The following TRPC3 variants were observed in gnomAD, a reference collection of about 807,000 sequenced individuals.
TRPC3 encodes the protein transient receptor potential cation channel subfamily C member 3.
TRPC3 carries 54 observed loss-of-function variants against 90.9 expected under a neutral mutation model. That is an observed-to-expected ratio of 0.59 (90% CI 0.48 to 0.75). TRPC3 has a LOEUF of 0.75. Ranked by LOEUF, TRPC3 falls within the 30% of genes least tolerant of loss-of-function variation. TRPC3 has a pLI of 0.00. For missense variants in TRPC3, 918 were observed against 1,194.5 expected (o/e 0.77, Z 3.41); for synonymous variants, 424 against 450.9 (o/e 0.94, Z 0.75).
At chr4:121,921,564 G>A (rs1379699616) in intron 3 of TRPC3, among the ~76,000 whole-genome samples, 1 of 149,274 alleles carries the variant, frequency 6.7e-6, no homozygotes, top group Non-Finnish European at 1.5e-5. Context: ...AGTCTCATAT[G>A]CGGCCAATAT....
chr4:121,930,047 C>T (rs892148552), intron 2 of TRPC3, among the ~76,000 whole-genome samples: 3 of 152,062 alleles, frequency 2.0e-5, no homozygotes, highest in Non-Finnish European at 2.9e-5. Context: ...ACTATTTTCT[C>T]TGTCTGTCTA....
intron 5 of TRPC3, among the ~76,000 whole-genome samples, chr4:121,911,413 T>C (rs1261174856): frequency 1.3e-5 from 2 of 152,060 alleles, no homozygotes; most frequent in African/African-American, 4.8e-5. Context: ...GTTTTTGCCA[T>C]TTTAAAAATA....
intron 10 of TRPC3, among the ~76,000 whole-genome samples, chr4:121,893,192 A>ATGTGTATGTGTGTGTGCG (rs1422651081): frequency 1.3e-5 from 2 of 151,286 alleles, no homozygotes; most frequent in Non-Finnish European, 2.9e-5. Flanking sequence ...TGAAGTAAGG[A>ATGTGTATGTGTGTGTGCG]TGTGTATGTG....
chr4:121,926,189 CA>C (rs554326431), intron 2 of TRPC3, among the ~76,000 whole-genome samples: 2 of 152,128 alleles, frequency 1.3e-5, no homozygotes, highest in African/African-American at 4.8e-5. Flanking sequence ...CAACCTTACA[CA>C]AAAAATACCT....
At chr4:121,926,740 T>C (rs1452311485) in intron 2 of TRPC3, among the ~76,000 whole-genome samples, 1 of 152,194 alleles carries the variant, frequency 6.6e-6, no homozygotes, top group East Asian at 1.9e-4. Flanking sequence ...CTCTCTGTTA[T>C]TTAGGTTGAC....
intron 1 of TRPC3, among the ~76,000 whole-genome samples, chr4:121,933,739 T>C (rs1368670042): frequency 6.6e-6 from 1 of 152,108 alleles, no homozygotes; most frequent in African/African-American, 2.4e-5. Context: ...GCCTCCCAAG[T>C]AGCTAGGACT....
chr4:121,897,453 C>CAAAAAA lies in TRPC3; in HGVS notation c.2547+2153_2547+2158dup, dbSNP rs70950860. 2.3e-3 allele frequency among the ~76,000 whole-genome samples: 99 copies of CAAAAAA among 43,426 alleles called. 1 individual carries two copies. The highest frequency in any genetic ancestry group is 2.9e-3 in the Non-Finnish European group (71 of 24,760). 28.5% of individuals were successfully genotyped at this position (43,426 alleles called of 152,430 possible). A position where few individuals can be genotyped will look rare whatever the true frequency, so the allele number is the denominator to read the frequency against. ...ACAGGGAACTCAATCATCTCAACAG[C>CAAAAAA]AAAAAAAAAAAAAAAAAAAAAAAAA... On this transcript the variant is annotated intron_variant, in intron 10 of 11. Transcript: ENST00000379645.
intron 3 of TRPC3, among the ~76,000 whole-genome samples, chr4:121,917,194 A>G (rs911494506): frequency 6.6e-6 from 1 of 152,162 alleles, no homozygotes; most frequent in East Asian, 1.9e-4. Flanking sequence ...CTCCAAACCC[A>G]GGATTTTGTC....
Position 121,932,694 on chromosome 4 carries a change from C to T in TRPC3, c.564G>A (p.Val188=), listed in dbSNP as rs1729987179. The change falls in exon 2 of 12, where the codon GTG becomes GTA. Residue 188 remains valine (V), a synonymous_variant. Coordinates refer to ENST00000379645, the MANE Select transcript of TRPC3 (RefSeq NM_001130698.2). The surrounding 1 kb of genome is among the most constrained non-coding windows in gnomAD (Gnocchi z 7.7). ...ALLLAISKGY[V]RIVEAILNHP... ...GGTTGAGGATGGCCTCTACGATGCG[C>T]ACGTAGCCCTTGCTGATGGCGAGCA... The T allele has an allele frequency of 6.2e-7, 1 of 1,613,652 alleles. No individual in the cohort carries two copies. Among genetic ancestry groups the T allele is most frequent in the Non-Finnish European group, 8.5e-7 (1 of 1,179,824 alleles).
chr4:121,905,684 C>T (rs1013638741), intron 7 of TRPC3, among the ~76,000 whole-genome samples: 2 of 152,216 alleles, frequency 1.3e-5, no homozygotes, highest in African/African-American at 4.8e-5. Flanking sequence ...TTTCTTATAA[C>T]ACATCCTAAA....
chr4:121,885,838 T>C (rs1387549356), intron 10 of TRPC3, among the ~76,000 whole-genome samples: 1 of 152,296 alleles, frequency 6.6e-6, no homozygotes, highest in East Asian at 1.9e-4. Context: ...AAAAGAAGTC[T>C]ATAGATTAAC....
chr4:121,903,449 T>C (rs1319851850), intron 8 of TRPC3, among the ~76,000 whole-genome samples: 1 of 152,182 alleles, frequency 6.6e-6, no homozygotes, highest in Non-Finnish European at 1.5e-5. Flanking sequence ...CACCTATACC[T>C]ATCCAAGCCA....
At chr4:121,923,886 T>C (rs1729613454) in intron 3 of TRPC3, among the ~76,000 whole-genome samples, 1 of 152,236 alleles carries the variant, frequency 6.6e-6, no homozygotes, top group Admixed American at 6.5e-5. Context: ...CTTTGTGATT[T>C]ATCAGTTTCT....
rs570183026 is a variant in TRPC3 at position 121,934,225 on chromosome 4, G to A, written c.216-1183C>T. On this transcript the variant is annotated intron_variant, in intron 1 of 11. Coordinates refer to ENST00000379645, the MANE Select transcript of TRPC3 (RefSeq NM_001130698.2). ...GCATCCTTACGCCAGGTAGAAAATC[G>A]AATTTTATGAAGTTCTCAGATTTTC... is the stretch of plus-strand genomic sequence containing the variant. Among the ~76,000 whole-genome samples the A allele has an allele frequency of 2.6e-5, 4 of 152,230 alleles. 1 individual carries two copies. The South Asian group carries it at 6.2e-4, about 24-fold the overall frequency.
Position 121,876,295 on chromosome 4 carries a change from A to G in TRPC3, c.*3441T>C, listed in dbSNP as rs1383834646. ...AGACCCGCCTCTAAAAATGTATTTT[A>G]AAAACTTTATTTAAAAAATTTAAAA... On this transcript the variant is annotated 3_prime_UTR_variant, in exon 12 of 12. Coordinates refer to ENST00000379645, the MANE Select transcript of TRPC3 (RefSeq NM_001130698.2). Among the ~76,000 whole-genome samples the G allele has an allele frequency of 6.6e-6, 1 of 152,144 alleles. No homozygotes were observed. Among genetic ancestry groups the G allele is most frequent in the Non-Finnish European group, 1.5e-5 (1 of 68,028 alleles).
intron 10 of TRPC3, among the ~76,000 whole-genome samples, chr4:121,889,385 C>T (rs1231263271): frequency 2.0e-5 from 3 of 152,032 alleles, no homozygotes; most frequent in African/African-American, 7.2e-5. Flanking sequence ...CAGCAAAAAA[C>T]AAGTAATCCA....
chr4:121,875,417 C>T lies in TRPC3; in HGVS notation c.*4319G>A, dbSNP rs779711597. On this transcript the variant is annotated 3_prime_UTR_variant, in exon 12 of 12. Coordinates refer to ENST00000379645, the MANE Select transcript of TRPC3 (RefSeq NM_001130698.2). The stretch of plus-strand genomic sequence containing the variant: ...TCTAAATGATTAGTAAAGATTTCAA[C>T]CTACTAATTTTAAGTATTCCTCAAA... Among the ~76,000 whole-genome samples the T allele has an allele frequency of 3.3e-5, 5 of 152,122 alleles. No individual in the cohort carries two copies. Among genetic ancestry groups the T allele is most frequent in the Non-Finnish European group, 5.9e-5 (4 of 68,018 alleles).
Position 121,900,146 on chromosome 4 carries a change from C to T in TRPC3, c.2464-451G>A, listed in dbSNP as rs1189242648. On this transcript the variant is annotated intron_variant, in intron 9 of 11. Transcript: ENST00000379645. ...TATTTTGCAGCCCTAAAATATTAGC[C>T]AAAATAACACATCTTCCAAAGCATC... is the stretch of plus-strand genomic sequence containing the variant. Among the ~76,000 whole-genome samples the T allele has an allele frequency of 1.4e-4, 22 of 152,106 alleles. 1 individual carries two copies. The highest frequency in any genetic ancestry group is 1.4e-3 in the Admixed American group (22 of 15,266).
chr4:121,915,654 G>T (rs1261994555), intron 3 of TRPC3, among the ~76,000 whole-genome samples: 6 of 151,918 alleles, frequency 3.9e-5, no homozygotes, highest in Non-Finnish European at 7.4e-5. Context: ...ATTCTAATCA[G>T]GAAAAATGAG....
Sources: allele counts gnomAD v4.1 joint callset (sites outside exome capture counted in the v4.1 genomes callset), GRCh38; gene constraint gnomAD v4.1.1; non-coding constraint Gnocchi (gnomAD v3.1); transcripts MANE v1.5; gene names NCBI Gene and HGNC (gene_info 2026-07-23, HGNC 2026-07-21).